The following DGAT2L6 variants were observed in gnomAD, a reference collection of about 807,000 sequenced individuals.
DGAT2L6 encodes diacylglycerol O-acyltransferase 2 like 6, also known as diacylglycerol O-acyltransferase 2-like protein 6.
A neutral mutation model predicts 25.5 loss-of-function variants in DGAT2L6; 22 were observed. That is an observed-to-expected ratio of 0.86 (90% CI 0.62 to 1.23). The LOEUF (loss-of-function observed/expected upper bound fraction) is 1.23. Ranked by LOEUF, DGAT2L6 falls within the 50% of genes most tolerant of loss-of-function variation. DGAT2L6 has a pLI of 0.00. For synonymous variants in DGAT2L6, 100 were observed against 94.7 expected (o/e 1.06, Z -0.32); for missense variants, 287 against 253.2 (o/e 1.13, Z -0.91).
rs764395247 is a variant in DGAT2L6 at position 70,204,259 on chromosome X, G to A, written c.648-46G>A. 7.2e-6 allele frequency: 8 copies of A among 1,107,670 alleles called. No homozygotes were observed. The South Asian group carries it at 8.0e-5, about 11-fold the overall frequency. 91.3% of individuals were successfully genotyped at this position (1,107,670 alleles called of 1,213,427 possible). A position where few individuals can be genotyped will look rare whatever the true frequency, so the allele number is the denominator to read the frequency against. ...TTCCCACCTTGGAGAGGATTTTTCC[G>A]GGGATCTTCCTCAGAGAGCTCACAC... On this transcript the variant is annotated intron_variant, in intron 5 of 6. Transcript: ENST00000333026.
At chrX:70,203,032 G>C (rs1047555176) in intron 5 of DGAT2L6, among the ~76,000 whole-genome samples, 1 of 111,922 alleles carries the variant, frequency 8.9e-6, no homozygotes, top group African/African-American at 3.3e-5. Context: ...TGCTTTAGCG[G>C]TTCCCTTGGA....
At chrX:70,194,538 A>G (rs1248064027) in intron 1 of DGAT2L6, among the ~76,000 whole-genome samples, 1 of 112,143 alleles carries the variant, frequency 8.9e-6, no homozygotes, top group Non-Finnish European at 1.9e-5. Context: ...CTGACATAAA[A>G]ACAGACACAG....
chrX:70,197,089 C>T (rs766774280), intron 1 of DGAT2L6, among the ~76,000 whole-genome samples: 2 of 110,982 alleles, frequency 1.8e-5, no homozygotes, highest in Non-Finnish European at 3.8e-5. Flanking sequence ...TCTTTGATAA[C>T]CCTCTCCAAG....
chrX:70,192,449 A>G (rs970818115), intron 1 of DGAT2L6, among the ~76,000 whole-genome samples: 22 of 112,468 alleles, frequency 2.0e-4, no homozygotes, highest in African/African-American at 6.8e-4. Context: ...AATACTCAGA[A>G]TACTGCAATG....
chrX:70,202,777 C>T (rs2085415245), intron 5 of DGAT2L6, among the ~76,000 whole-genome samples: 2 of 111,743 alleles, frequency 1.8e-5, no homozygotes, highest in Non-Finnish European at 3.8e-5. Flanking sequence ...CCAGCTTCAG[C>T]CAGGATGATC....
chrX:70,194,734 T>C (rs138721098), intron 1 of DGAT2L6, among the ~76,000 whole-genome samples: 2,643 of 111,681 alleles, frequency 0.024, 87 homozygotes, highest in African/African-American at 0.082. Context: ...ACACAAACAT[T>C]AACTCAAAAT....
chrX:70,195,033 C>T (rs73634812), intron 1 of DGAT2L6, among the ~76,000 whole-genome samples: 1,838 of 111,274 alleles, frequency 0.017, 31 homozygotes, highest in African/African-American at 0.058. Context: ...GAACTCATAC[C>T]ACTCAATAGA....
At chrX:70,193,918 A>T (rs1331949859) in intron 1 of DGAT2L6, among the ~76,000 whole-genome samples, 6 of 112,214 alleles carry the variant, frequency 5.3e-5, no homozygotes, top group African/African-American at 1.9e-4. Context: ...CAAGAAAAAG[A>T]AATAAAAGGC....
At chrX:70,203,951 G>A (rs1245303578) in intron 5 of DGAT2L6, among the ~76,000 whole-genome samples, 1 of 110,822 alleles carries the variant, frequency 9.0e-6, no homozygotes, top group African/African-American at 3.3e-5. Flanking sequence ...GAAGGCTAGA[G>A]CAAAAAGGCC....
intron 4 of DGAT2L6, 98 bp downstream of exon 4, chrX:70,200,557 T>C (rs1365219223): frequency 1.1e-5 from 9 of 826,001 alleles, no homozygotes; most frequent in African/African-American, 2.1e-5. Context: ...GAGTACATGA[T>C]AGAAAATAAG....
rs1405422134 is a variant in DGAT2L6, at chrX:70,204,482, C to T, written c.825C>T (p.Gly275=). 8.3e-7 allele frequency: 1 copy of T among 1,211,225 alleles called. No individual in the cohort carries two copies. Among genetic ancestry groups the T allele is most frequent in the Admixed American group, 2.2e-5 (1 of 46,033 alleles). Residue 275 remains glycine (G), a synonymous_variant, in exon 6 of 7, where the codon GGC becomes GGT. Transcript: ENST00000333026. ...HGRGFTRGSW[G]FLPFNRPITT... is the part of the protein sequence containing the mutation. ...GGGGCTTCACTCGCGGATCCTGGGG[C>T]TTCCTGCCTTTCAATCGGCCCATTA...
chrX:70,184,966 A>G (rs2085355299), intron 1 of DGAT2L6, among the ~76,000 whole-genome samples: 1 of 110,889 alleles, frequency 9.0e-6, no homozygotes, highest in Admixed American at 9.6e-5. Flanking sequence ...CTCTTAGCTG[A>G]TCTCTTTGCC....
intron 1 of DGAT2L6, among the ~76,000 whole-genome samples, chrX:70,188,862 G>T (rs767347851): frequency 1.3e-4 from 14 of 104,510 alleles, no homozygotes; most frequent in Admixed American, 7.7e-4. Flanking sequence ...ATCTAAGCAT[G>T]AAAAAACCCC....
At chrX:70,187,693 T>C (rs1406153262) in intron 1 of DGAT2L6, among the ~76,000 whole-genome samples, 1 of 112,236 alleles carries the variant, frequency 8.9e-6, no homozygotes, top group African/African-American at 3.2e-5. Context: ...ATGGCTCAAA[T>C]GGAAGCAGGC....
intron 1 of DGAT2L6, among the ~76,000 whole-genome samples, chrX:70,178,761 T>C (rs774021626): frequency 2.7e-5 from 3 of 112,085 alleles, no homozygotes; most frequent in Non-Finnish European, 3.8e-5. Flanking sequence ...CCTCTTTCTT[T>C]CCACTAACCT....
intron 3 of DGAT2L6, 111 bp from the exon 4 acceptor site, chrX:70,200,144 A>C: frequency 1.3e-6 from 1 of 776,338 alleles, no homozygotes; most frequent in Non-Finnish European, 1.9e-6. Context: ...CCTAGTGAAC[A>C]GGGATTTGGG....
At chrX:70,186,979 G>A (rs1188477875) in intron 1 of DGAT2L6, among the ~76,000 whole-genome samples, 1 of 111,765 alleles carries the variant, frequency 8.9e-6, no homozygotes. Flanking sequence ...TGGTTTTGGA[G>A]GAAGCAAACA....
chrX:70,201,292 G>A (rs767884849), intron 4 of DGAT2L6, among the ~76,000 whole-genome samples: 4 of 112,293 alleles, frequency 3.6e-5, no homozygotes, highest in East Asian at 2.8e-4. Flanking sequence ...GAAGGTGAGC[G>A]CAGGGCAAAG....
At chrX:70,178,956 C>T (rs182110332) in intron 1 of DGAT2L6, among the ~76,000 whole-genome samples, 74 of 112,472 alleles carry the variant, frequency 6.6e-4, no homozygotes, top group East Asian at 2.8e-4. Context: ...GTTATTGGCA[C>T]TGCTGTTAGA....
Sources: allele counts gnomAD v4.1 joint callset (sites outside exome capture counted in the v4.1 genomes callset), GRCh38; gene constraint gnomAD v4.1.1; transcripts MANE v1.5; gene names NCBI Gene and HGNC (gene_info 2026-07-23, HGNC 2026-07-21).